ANAPC10: variants seen among roughly 807,000 people sequenced by gnomAD.
ANAPC10 encodes the protein anaphase-promoting complex subunit 10.
ANAPC10 carries 12 observed loss-of-function variants against 22.0 expected under a neutral mutation model. That is an observed-to-expected ratio of 0.55 (90% CI 0.35 to 0.88). ANAPC10 has a LOEUF of 0.88. Ranked by LOEUF, ANAPC10 falls within the 40% of genes least tolerant of loss-of-function variation. The pLI, the probability that ANAPC10 is intolerant of heterozygous loss-of-function variation, is 0.01. For synonymous variants in ANAPC10, 65 were observed against 69.5 expected (o/e 0.94, Z 0.32); for missense variants, 188 against 220.9 (o/e 0.85, Z 0.94).
chr4:145,023,612 T>C (rs542152473), intron 4 of ANAPC10, among the ~76,000 whole-genome samples: 1 of 152,282 alleles, frequency 6.6e-6, no homozygotes, highest in African/African-American at 2.4e-5. Context: ...AAAAGCTGTG[T>C]TACACTATAC....
At chr4:145,034,037 T>C (rs1007782777) in intron 4 of ANAPC10, among the ~76,000 whole-genome samples, 1 of 152,210 alleles carries the variant, frequency 6.6e-6, no homozygotes, top group East Asian at 1.9e-4. Context: ...CGAAGGATAG[T>C]TGTATTATGT....
rs557157272 is a variant in ANAPC10 at position 145,045,438 on chromosome 4, G to A, written c.327+19134C>T. Among the ~76,000 whole-genome samples the A allele has an allele frequency of 6.6e-5, 10 of 151,758 alleles. No homozygotes were observed. The East Asian group carries it at 1.2e-3, about 18-fold the overall frequency. On this transcript the variant is annotated intron_variant, in intron 4 of 4. Coordinates refer to ENST00000507656, the MANE Select transcript of ANAPC10 (RefSeq NM_001256706.2). ...AAACTGTGGTCTATCAACATCACTC[G>A]GCCTAAAAAAAATATGAGTAAATTC...
chr4:145,096,305 C>T (rs1748509881), intron 1 of ANAPC10, among the ~76,000 whole-genome samples, 194 bp from the exon 2 acceptor site: 1 of 152,154 alleles, frequency 6.6e-6, no homozygotes, highest in Non-Finnish European at 1.5e-5. Context: ...CACCTGTAAT[C>T]CCAACACTTT....
At chr4:145,027,323 A>G (rs1313911514) in intron 4 of ANAPC10, among the ~76,000 whole-genome samples, 1 of 151,888 alleles carries the variant, frequency 6.6e-6, no homozygotes, top group African/African-American at 2.4e-5. Context: ...TTAATTTAAT[A>G]GAAGTTAAAT....
At chr4:145,075,150 A>C (rs1745014770) in intron 3 of ANAPC10, among the ~76,000 whole-genome samples, 2 of 152,164 alleles carry the variant, frequency 1.3e-5, no homozygotes, top group Admixed American at 1.3e-4. Context: ...ATTGCATCCC[A>C]AAATCATACT....
At chr4:145,074,003 C>A (rs1051077075) in intron 3 of ANAPC10, among the ~76,000 whole-genome samples, 4 of 151,812 alleles carry the variant, frequency 2.6e-5, no homozygotes, top group Non-Finnish European at 5.9e-5. Context: ...TCCCTATAAT[C>A]CATATTAAAC....
intron 2 of ANAPC10, among the ~76,000 whole-genome samples, chr4:145,094,213 A>C (rs1309439923): frequency 6.6e-6 from 1 of 152,210 alleles, no homozygotes; most frequent in Non-Finnish European, 1.5e-5. Flanking sequence ...CCCACAAGTG[A>C]ATTATGCTAA....
chr4:145,017,037 T>A (rs369904183), intron 4 of ANAPC10, among the ~76,000 whole-genome samples: 1 of 152,100 alleles, frequency 6.6e-6, no homozygotes, highest in Non-Finnish European at 1.5e-5. Flanking sequence ...AACCTAGGCA[T>A]TACCATTCAG....
intron 1 of ANAPC10, chr4:145,097,377 G>A (rs1292693024): frequency 2.4e-6 from 2 of 821,512 alleles, no homozygotes; most frequent in South Asian, 1.4e-5. Context: ...ATTCATATGT[G>A]AAAAAACACT....
Position 145,097,538 on chromosome 4 carries a change from T to C in ANAPC10, c.-13+582A>G, listed in dbSNP as rs1176837782. 5 of 1,287,118 alleles carry C rather than the reference T, an allele frequency of 3.9e-6. No individual in the cohort carries two copies. The African/African-American group carries it at 6.1e-5, about 16-fold the overall frequency. The allele number at this position is 1,287,118 out of a possible 1,614,324, so 79.7% of individuals were successfully genotyped here. On this transcript the variant is annotated intron_variant, in intron 1 of 4. Transcript: ENST00000507656. ...CATTGTATCCGAAGTTGTTCTTTAA[T>C]CGGCACACAAGCACTTGATACTTAC...
Position 145,092,922 on chromosome 4 carries a change from G to T in ANAPC10, c.115+3063C>A, listed in dbSNP as rs184063580. On this transcript the variant is annotated intron_variant, in intron 2 of 4. Transcript: ENST00000507656. ...AGGGGCAAACAACAGTCCTTTCTCA[G>T]AGTGAGGCAGAAAACTCTTTACCAC... Among the ~76,000 whole-genome samples, 536 of 152,312 alleles carry T rather than the reference G, an allele frequency of 3.5e-3. 1 individual carries two copies. Among genetic ancestry groups the T allele is most frequent in the Non-Finnish European group, 5.6e-3 (380 of 68,040 alleles).
chr4:145,081,646 A>G lies in ANAPC10; in HGVS notation c.206+14T>C, dbSNP rs1290036110. 1 of 1,570,610 alleles carries G rather than the reference A, an allele frequency of 6.4e-7. No individual in the cohort carries two copies. The highest frequency in any genetic ancestry group is 1.4e-5 in the African/African-American group (1 of 73,778). Reference sequence around the variant, plus strand: ...ACCTACAGTAGATGAAAAATTTGAAAATGTATTAATTACCTGAATTGGATG... The same window carrying G: ...ACCTACAGTAGATGAAAAATTTGAAGATGTATTAATTACCTGAATTGGATG... On this transcript the variant is annotated intron_variant, in intron 3 of 4. Coordinates refer to ENST00000507656, the MANE Select transcript of ANAPC10 (RefSeq NM_001256706.2).
intron 4 of ANAPC10, among the ~76,000 whole-genome samples, chr4:145,027,847 G>C (rs777446464): frequency 7.2e-5 from 11 of 152,162 alleles, no homozygotes; most frequent in Non-Finnish European, 1.6e-4. Context: ...GGAGGATGTA[G>C]TCCACCAATA....
chr4:145,069,200 AG>A (rs542158752), intron 3 of ANAPC10, among the ~76,000 whole-genome samples: 2 of 152,220 alleles, frequency 1.3e-5, no homozygotes, highest in Non-Finnish European at 2.9e-5. Flanking sequence ...ACAGGCCTCT[AG>A]GTCCTGAGAG....
intron 4 of ANAPC10, among the ~76,000 whole-genome samples, chr4:145,056,141 C>T (rs941864121): frequency 6.6e-6 from 1 of 152,122 alleles, no homozygotes; most frequent in Non-Finnish European, 1.5e-5. Context: ...TTAAGGCATG[C>T]TAAGTCACCA....
intron 4 of ANAPC10, among the ~76,000 whole-genome samples, chr4:145,041,465 G>A (rs934285125): frequency 3.3e-5 from 5 of 152,212 alleles, no homozygotes; most frequent in African/African-American, 9.6e-5. Context: ...AAGTACCAAC[G>A]AACAGCCCAG....
intron 2 of ANAPC10, among the ~76,000 whole-genome samples, chr4:145,083,689 G>A (rs892277505): frequency 5.9e-5 from 9 of 152,044 alleles, no homozygotes; most frequent in Non-Finnish European, 1.3e-4. Flanking sequence ...TGAACATACT[G>A]AGAAAAATAG....
At chr4:145,069,096 G>A (rs923761226) in intron 3 of ANAPC10, among the ~76,000 whole-genome samples, 2 of 152,176 alleles carry the variant, frequency 1.3e-5, no homozygotes, top group South Asian at 2.1e-4. Flanking sequence ...TGCTCATGAA[G>A]GTTAACTGCT....
intron 4 of ANAPC10, among the ~76,000 whole-genome samples, chr4:145,002,941 G>A (rs1046848334): frequency 2.6e-5 from 4 of 152,088 alleles, no homozygotes; most frequent in Non-Finnish European, 5.9e-5. Flanking sequence ...TGAGGATTTG[G>A]TATAAAGATT....
Sources: gnomAD v4.1 joint callset for allele counts (sites outside exome capture counted in the v4.1 genomes callset) on GRCh38, gnomAD v4.1.1 for gene constraint, MANE v1.5 for transcripts, NCBI Gene and HGNC (gene_info 2026-07-23, HGNC 2026-07-21) for gene names.